The following TBC1D31 variants were observed in gnomAD, a reference collection of about 807,000 sequenced individuals.
The protein encoded by TBC1D31 is TBC1 domain family member 31.
TBC1D31 carries 99 observed loss-of-function variants against 132.9 expected under a neutral mutation model. The ratio of observed to expected loss-of-function variants is 0.74; its 90% CI spans 0.63 to 0.88. The LOEUF is 0.88. Among genes scored for constraint, TBC1D31 ranks in the 40% least tolerant of loss-of-function variants. TBC1D31 has a pLI of 0.00. For synonymous variants in TBC1D31, 385 were observed against 419.4 expected (o/e 0.92, Z 1.00); for missense variants, 1,134 against 1,256.6 (o/e 0.90, Z 1.48).
In TBC1D31 at chr8:123,126,640, T is replaced by C. The variant is rs1021290712; in HGVS notation, c.1837T>C (p.Cys613Arg). The C allele has an allele frequency of 5.0e-6, 8 of 1,614,102 alleles. No homozygotes were observed. The highest frequency in any genetic ancestry group is 4.5e-5 in the East Asian group (2 of 44,874). ...GATGACTGTTGTAGCCTACAACATA[T>C]GTTCTAGAACGCCTCTGCTCAGCTG... ...LLMTVVAYNICSRTPLLSCNL... is the reference protein window; with the variant it reads ...LLMTVVAYNIRSRTPLLSCNL... Residue 613 changes from cysteine to arginine, a missense_variant, in exon 13 of 22, where the codon TGT (cysteine) becomes CGT (arginine). Physicochemically the swap from Cys to Arg is radical, Grantham distance 180. Transcript: ENST00000287380.
At chr8:123,134,300 G>A (rs1023762265) in intron 17 of TBC1D31, 94 bp downstream of exon 17, 9 of 921,182 alleles carry the variant, frequency 9.8e-6, no homozygotes, top group Admixed American at 6.1e-5. Flanking sequence ...AGGATGAGGT[G>A]GAAGGAGGAT....
At chr8:123,092,000 C>T (rs913604389) in intron 4 of TBC1D31, among the ~76,000 whole-genome samples, 1 of 152,152 alleles carries the variant, frequency 6.6e-6, no homozygotes, top group Non-Finnish European at 1.5e-5. Flanking sequence ...ACACTTTGCC[C>T]AGTATTCCCA....
intron 11 of TBC1D31, among the ~76,000 whole-genome samples, chr8:123,121,086 T>C (rs1819435587): frequency 6.6e-6 from 1 of 151,182 alleles, no homozygotes; most frequent in African/African-American, 2.4e-5. Flanking sequence ...CCCAAGTAGC[T>C]GGGATTACAG....
At chr8:123,164,928 C>T in the TBC1D31 span, among the ~76,000 whole-genome samples, 1 of 152,168 alleles carries the variant, frequency 6.6e-6, no homozygotes, top group Non-Finnish European at 1.5e-5. Flanking sequence ...TTCCACTTAA[C>T]AGTAAGCTGG....
intron 5 of TBC1D31, among the ~76,000 whole-genome samples, chr8:123,097,026 A>G (rs1816898893): frequency 6.6e-6 from 1 of 152,252 alleles, no homozygotes; most frequent in South Asian, 2.1e-4. Context: ...TTAGCACAGT[A>G]GGTAAAAAAA....
chr8:123,099,566 G>A (rs535180264), intron 6 of TBC1D31, among the ~76,000 whole-genome samples: 5 of 152,254 alleles, frequency 3.3e-5, no homozygotes, highest in East Asian at 1.9e-4. Context: ...AATATTTGCT[G>A]AAAACAGGCA....
At chr8:123,163,217 G>A in the TBC1D31 span, among the ~76,000 whole-genome samples, 1 of 151,796 alleles carries the variant, frequency 6.6e-6, no homozygotes, top group Non-Finnish European at 1.5e-5. Context: ...ACCGCACCTG[G>A]CCTTTTATTT....
At chr8:123,093,014 G>A (rs4489325) in intron 4 of TBC1D31, among the ~76,000 whole-genome samples, 21,395 of 151,812 alleles carry the variant, frequency 0.14, 1,779 homozygotes, top group African/African-American at 0.21. Context: ...GTTTCACCTT[G>A]TTGGTCAGGC....
chr8:123,102,283 T>TAAC, intron 7 of TBC1D31: 2 of 456,616 alleles, frequency 4.4e-6, no homozygotes, highest in Non-Finnish European at 8.8e-6. Flanking sequence ...ACACAGCGAG[T>TAAC]AACTAGCAGT....
At position 123,150,848 on chromosome 8, in the gene TBC1D31, A is replaced by AT. The variant is rs571085595; in HGVS notation, c.3067+728dup. On this transcript the variant is annotated intron_variant, in intron 21 of 21. Transcript: ENST00000287380. ...CACTCTGTTAAACTTACTTTCAACT[A>AT]TTTTTTTTCAATAAAATTGCCATAT... Among the ~76,000 whole-genome samples the AT allele has an allele frequency of 4.6e-5, 7 of 152,230 alleles. No homozygotes were observed. In the South Asian group the frequency reaches 8.3e-4, roughly 18 times the overall value.
chr8:123,110,453 C>G (rs1005646497), intron 10 of TBC1D31, among the ~76,000 whole-genome samples: 7 of 152,176 alleles, frequency 4.6e-5, no homozygotes, highest in African/African-American at 1.2e-4. Context: ...GATCAAGTCA[C>G]AGCAGTGATA....
At chr8:123,090,474 G>A (rs1400813719) in intron 4 of TBC1D31, among the ~76,000 whole-genome samples, 2 of 152,196 alleles carry the variant, frequency 1.3e-5, no homozygotes, top group Non-Finnish European at 2.9e-5. Flanking sequence ...CTGTGGTTCA[G>A]CAGGTATCAG....
At chr8:123,082,609 G>A (rs572624777) in intron 2 of TBC1D31, 93 bp from the exon 3 acceptor site, 2 of 838,510 alleles carry the variant, frequency 2.4e-6, no homozygotes, top group Admixed American at 2.7e-5. Context: ...CATTTTTCTG[G>A]GTTTCATTTT....
chr8:123,075,280 T>C (rs1414179731), intron 1 of TBC1D31, among the ~76,000 whole-genome samples: 1 of 152,232 alleles, frequency 6.6e-6, no homozygotes, highest in South Asian at 2.1e-4. Context: ...TGTTAAGAAT[T>C]TTGCTATTTC....
downstream of TBC1D31, among the ~76,000 whole-genome samples, chr8:123,156,694 G>C (rs761467388): frequency 6.6e-6 from 1 of 152,134 alleles, no homozygotes; most frequent in African/African-American, 2.4e-5. Context: ...GCAGCTGCCT[G>C]CATGAGCTCC....
At chr8:123,141,686 AT>A (rs1056950124) in intron 18 of TBC1D31, among the ~76,000 whole-genome samples, 5 of 150,202 alleles carry the variant, frequency 3.3e-5, no homozygotes, top group African/African-American at 9.8e-5. Context: ...AAGATATTCC[AT>A]TTTTTTTTAA....
chr8:123,101,168 T>A, intron 7 of TBC1D31, 161 bp downstream of exon 7: 1 of 565,392 alleles, frequency 1.8e-6, no homozygotes, highest in Non-Finnish European at 3.1e-6. Context: ...ATCTCTGGCC[T>A]TGATTTCTCA....
chr8:123,142,447 A>G lies in TBC1D31; in HGVS notation c.2826A>G (p.Glu942=), dbSNP rs758551842. 6 of 1,564,752 alleles carry G rather than the reference A, an allele frequency of 3.8e-6. No individual in the cohort carries two copies. The Admixed American group carries it at 6.2e-5, about 16-fold the overall frequency. Reference sequence around the variant, plus strand: ...TAATAAATGCAATGGTGGAGGAGGAAGCCAAGAAGGTAAAAAATAGTGTTA... The same window carrying G: ...TAATAAATGCAATGGTGGAGGAGGAGGCCAAGAAGGTAAAAAATAGTGTTA... ...IEIINAMVEE[E]AKKWKEAEGK... Residue 942 remains glutamate (E), a synonymous_variant, in exon 19 of 22, where the codon GAA becomes GAG. Transcript: ENST00000287380.
In TBC1D31 at chr8:123,105,331, A is replaced by G; in HGVS notation, c.1076A>G (p.Asn359Ser). 1 of 1,601,204 alleles carries G rather than the reference A, an allele frequency of 6.2e-7. No homozygotes were observed. ...LVKVIEDLPK[N>S]KLSSSDLKMK... ...AAAGTTATTGAAGATTTGCCCAAGA[A>G]TAAACTGAGTTCCAGTGATCTTAAG... The change falls in exon 8 of 22, where the codon AAT becomes AGT. Residue 359 changes from asparagine (N) to serine (S), a missense_variant. By Grantham distance (46) the Asn-to-Ser change is conservative. Transcript: ENST00000287380.
Sources: gnomAD v4.1 joint callset for allele counts (sites outside exome capture counted in the v4.1 genomes callset) on GRCh38, gnomAD v4.1.1 for gene constraint, MANE v1.5 for transcripts, NCBI Gene and HGNC (gene_info 2026-07-23, HGNC 2026-07-21) for gene names.